The following MCM10 variants were observed in gnomAD, a reference collection of about 807,000 sequenced individuals.
The protein encoded by MCM10 is protein MCM10 homolog.
A neutral mutation model predicts 109.9 loss-of-function variants in MCM10; 91 were observed. The ratio of observed to expected loss-of-function variants is 0.83; its 90% CI spans 0.70 to 0.99. MCM10 has a LOEUF of 0.99. Among genes scored for constraint, MCM10 ranks in the 50% least tolerant of loss-of-function variants. The pLI is 0.00. For missense variants in MCM10, 1,077 were observed against 1,061.2 expected (o/e 1.01, Z -0.21); for synonymous variants, 380 against 387.2 (o/e 0.98, Z 0.22).
chr10:13,167,590 G>A (rs1260829508), intron 2 of MCM10, among the ~76,000 whole-genome samples: 1 of 151,764 alleles, frequency 6.6e-6, no homozygotes, highest in Non-Finnish European at 1.5e-5. Context: ...AGGACCGGGG[G>A]GGGCATGCAT....
In MCM10 at chr10:13,198,669, G is replaced by T. The variant is rs753786934; in HGVS notation, c.2120-20G>T. ...CTGAAATTTCTTGGTCGCTGCTAAT[G>T]TTTGTTCCTTGTGCCCTAGCTGAGG... is the stretch of plus-strand genomic sequence containing the variant. On this transcript the variant is annotated intron_variant, in intron 15 of 19. Coordinates refer to ENST00000378714, the MANE Select transcript of MCM10 (RefSeq NM_018518.5). 6.7e-5 allele frequency: 104 copies of T among 1,541,576 alleles called. 1 individual carries two copies. Among genetic ancestry groups the T allele is most frequent in the Non-Finnish European group, 8.8e-5 (98 of 1,114,576 alleles).
intron 2 of MCM10, among the ~76,000 whole-genome samples, chr10:13,167,207 G>T (rs911817645): frequency 6.6e-6 from 1 of 152,202 alleles, no homozygotes; most frequent in Non-Finnish European, 1.5e-5. Context: ...CCATTCACCA[G>T]CCAGGGAGCT....
intron 2 of MCM10, 118 bp from the exon 3 acceptor site, chr10:13,170,804 G>A: frequency 1.3e-6 from 1 of 753,302 alleles, no homozygotes; most frequent in Non-Finnish European, 2.1e-6. Flanking sequence ...CCCAGGTAAT[G>A]AGCATTGTAC....
chr10:13,167,473 GC>G, intron 2 of MCM10, among the ~76,000 whole-genome samples: 1 of 152,262 alleles, frequency 6.6e-6, no homozygotes, highest in South Asian at 2.1e-4. Flanking sequence ...GGAGTGGGTA[GC>G]TAAGATGGGG....
intron 6 of MCM10, 129 bp downstream of exon 6, chr10:13,175,810 C>G (rs1834135236): frequency 1.6e-6 from 1 of 642,628 alleles, no homozygotes; most frequent in African/African-American, 1.8e-5. Flanking sequence ...CTGGACAAAA[C>G]ACCACTGGAA....
At chr10:13,190,603 T>C (rs1028147590) in intron 10 of MCM10, among the ~76,000 whole-genome samples, 4 of 152,134 alleles carry the variant, frequency 2.6e-5, no homozygotes, top group African/African-American at 9.7e-5. Flanking sequence ...GAGAATTGCT[T>C]GAGCCTGGGG....
intron 8 of MCM10, among the ~76,000 whole-genome samples, chr10:13,184,651 T>C (rs946515847): frequency 6.6e-6 from 1 of 152,224 alleles, no homozygotes; most frequent in Admixed American, 6.5e-5. Flanking sequence ...TGGCTGCAAG[T>C]AACAAACAAA....
At chr10:13,178,418 A>G (rs2131565469) in intron 6 of MCM10, among the ~76,000 whole-genome samples, 1 of 152,282 alleles carries the variant, frequency 6.6e-6, no homozygotes, top group South Asian at 2.1e-4. Flanking sequence ...TGATTTTTGT[A>G]TATGGCGAGA....
chr10:13,204,300 T>C lies in MCM10; in HGVS notation c.2434T>C (p.Phe812Leu), dbSNP rs1834540061. 2.5e-6 allele frequency: 4 copies of C among 1,613,086 alleles called. No homozygotes were observed. The highest frequency in any genetic ancestry group is 3.4e-6 in the Non-Finnish European group (4 of 1,179,854). Residue 812 changes from phenylalanine (F) to leucine (L), a missense_variant, in exon 18 of 20, where the codon TTT (phenylalanine) becomes CTT (leucine). Phe to Leu is a conservative substitution (Grantham distance 22). Transcript: ENST00000378714. The part of the protein sequence containing the change: ...EYHWHDGVKR[F>L]FKCPCGNRSI... ...CCACTGGCATGATGGTGTGAAGAGG[T>C]TTTTCAAATGTCCCTGTGGAAACAG...
intron 8 of MCM10, among the ~76,000 whole-genome samples, chr10:13,185,126 G>A (rs886578620): frequency 1.3e-5 from 2 of 152,180 alleles, no homozygotes; most frequent in African/African-American, 4.8e-5. Context: ...GATCTGGGTT[G>A]AGCCAGTCCA....
chr10:13,198,563 G>C (rs1179788936), intron 15 of MCM10, 126 bp from the exon 16 acceptor site: 2 of 675,522 alleles, frequency 3.0e-6, no homozygotes, highest in Admixed American at 2.2e-5. Context: ...GGGACCAGCG[G>C]GGGTAGGTCA....
chr10:13,197,539 TTAC>T (rs1459126188), intron 14 of MCM10, 81 bp from the exon 15 acceptor site: 1 of 1,260,584 alleles, frequency 7.9e-7, no homozygotes, highest in Non-Finnish European at 1.1e-6. Flanking sequence ...AATTCACTGG[TTAC>T]TAATAAAAAA....
intron 14 of MCM10, 38 bp downstream of exon 14, chr10:13,195,307 A>G: frequency 6.7e-7 from 1 of 1,500,730 alleles, no homozygotes; most frequent in Non-Finnish European, 9.1e-7. Flanking sequence ...TTGAGTTTGC[A>G]TTCTGTAGAG....
intron 6 of MCM10, 24 bp from the exon 7 acceptor site, chr10:13,180,418 C>T: frequency 3.8e-6 from 6 of 1,597,956 alleles, no homozygotes; most frequent in South Asian, 1.1e-5. Flanking sequence ...ATCATAATTA[C>T]TAATCGCTGG....
At chr10:13,197,795 G>T in intron 15 of MCM10, 28 bp downstream of exon 15, 2 of 1,590,238 alleles carry the variant, frequency 1.3e-6, no homozygotes, top group Non-Finnish European at 1.7e-6. Flanking sequence ...TTAACAGTGG[G>T]AAAGAGAAAC....
At chr10:13,206,133 C>T (rs889719542) in intron 18 of MCM10, among the ~76,000 whole-genome samples, 1 of 152,196 alleles carries the variant, frequency 6.6e-6, no homozygotes, top group Non-Finnish European at 1.5e-5. Flanking sequence ...ACTGCTTGCT[C>T]TGCAGCCGTT....
At chr10:13,170,779 T>C in intron 2 of MCM10, 143 bp from the exon 3 acceptor site, 1 of 634,926 alleles carries the variant, frequency 1.6e-6, no homozygotes, top group Non-Finnish European at 2.7e-6. Context: ...GTTTGGAGTA[T>C]GGTTGAACCC....
chr10:13,171,895 G>C (rs1485218808), intron 3 of MCM10, among the ~76,000 whole-genome samples: 1 of 151,808 alleles, frequency 6.6e-6, no homozygotes, highest in Non-Finnish European at 1.5e-5. Flanking sequence ...CTCCCTAGTA[G>C]CTGGAACCAT....
In MCM10 at chr10:13,190,755, T is replaced by C. The variant is rs116790914; in HGVS notation, c.1416-544T>C. On this transcript the variant is annotated intron_variant, in intron 10 of 19. Transcript: ENST00000378714. ...TAGGTGTTGTGTTTCTTCATATGTG[T>C]ACATTTTTAGTAATATAAAATGAGA... Among the ~76,000 whole-genome samples, 542 of 152,204 alleles carry C rather than the reference T, an allele frequency of 3.6e-3. 2 individuals carry two copies. The highest frequency in any genetic ancestry group is 0.012 in the African/African-American group (513 of 41,554).
Sources: gnomAD v4.1 joint callset for allele counts (sites outside exome capture counted in the v4.1 genomes callset) on GRCh38, gnomAD v4.1.1 for gene constraint, MANE v1.5 for transcripts, NCBI Gene and HGNC (gene_info 2026-07-23, HGNC 2026-07-21) for gene names.